DDB1: variants seen among roughly 807,000 people sequenced by gnomAD.
The protein encoded by DDB1 is DNA damage-binding protein 1.
DDB1 carries 18 observed loss-of-function variants against 133.1 expected under a neutral mutation model. The observed-to-expected ratio is 0.14, with a 90% confidence interval of 0.09 to 0.20. The LOEUF (loss-of-function observed/expected upper bound fraction) is 0.20. DDB1 is among the 10% of genes least tolerant of loss of function. DDB1 has a pLI of 1.00. For missense variants in DDB1, 828 were observed against 1,459.2 expected, an observed-to-expected ratio of 0.57 and a Z score of 7.05; for synonymous variants, 580 against 550.5, an observed-to-expected ratio of 1.05 and a Z score of -0.75.
chr11:61,319,066 C>T (rs1201328919), intron 10 of DDB1, among the ~76,000 whole-genome samples: 1 of 152,092 alleles, frequency 6.6e-6, no homozygotes, highest in East Asian at 1.9e-4. Flanking sequence ...ATTAGCCAGG[C>T]GTGGTGGCGC....
Position 61,313,364 on chromosome 11 carries a change from G to A in DDB1, c.2069+135C>T, listed in dbSNP as rs909349582. ...GTGTTTCTATTGGGTAGCCAGTTTT[G>A]AGAACCTCTGCACTATACTTCCCAT... On this transcript the variant is annotated intron_variant, in intron 16 of 26. Coordinates refer to ENST00000301764, the MANE Select transcript of DDB1 (RefSeq NM_001923.5). 1.9e-5 allele frequency: 15 copies of A among 795,336 alleles called. No homozygotes were observed. In the African/African-American group the frequency reaches 2.5e-4, roughly 13 times the overall value. The allele number at this position is 795,336 out of a possible 1,614,324, so 49.3% of individuals were successfully genotyped here. A position where few individuals can be genotyped will look rare whatever the true frequency, so the allele number is the denominator to read the frequency against.
At chr11:61,328,049 G>A (rs1364585228) in intron 4 of DDB1, among the ~76,000 whole-genome samples, 1 of 152,200 alleles carries the variant, frequency 6.6e-6, no homozygotes, top group African/African-American at 2.4e-5. Flanking sequence ...AGACACACAT[G>A]CAGAAATGAA....
At chr11:61,310,127 G>A (rs574452840) in intron 19 of DDB1, among the ~76,000 whole-genome samples, 167 bp from the exon 20 acceptor site, 1 of 152,088 alleles carries the variant, frequency 6.6e-6, no homozygotes, top group Non-Finnish European at 1.5e-5. Context: ...CTAAGGAGAG[G>A]ATGCCCAGCC....
chr11:61,314,823 CTTTTT>C (rs549452269), intron 12 of DDB1: 44 of 81,184 alleles, frequency 5.4e-4, no homozygotes, highest in Non-Finnish European at 7.7e-4. Context: ...AGTTTTTTGG[CTTTTT>C]TTTTTTTTTT....
intron 1 of DDB1, 23 bp downstream of exon 1, chr11:61,332,885 G>T: frequency 1.4e-6 from 2 of 1,468,214 alleles, no homozygotes; most frequent in Non-Finnish European, 1.8e-6. Flanking sequence ...ACTCGCCGGG[G>T]TCTCCGGCCC....
chr11:61,313,138 C>T lies in DDB1; in HGVS notation c.2069+361G>A, dbSNP rs200731875. 6.6e-5 allele frequency among the ~76,000 whole-genome samples: 10 copies of T among 152,292 alleles called. No homozygotes were observed. The East Asian group carries it at 1.9e-3, about 29-fold the overall frequency. ...AGAGAATCTGCATTTCTAACAAGTT[C>T]CCAAGTAATGCTGTAGCTGCTGGTT... is the stretch of plus-strand genomic sequence containing the variant. On this transcript the variant is annotated intron_variant, in intron 16 of 26. Transcript: ENST00000301764.
At chr11:61,303,700 CAAAAAAAAAAAA>C (rs59840297) in intron 22 of DDB1, among the ~76,000 whole-genome samples, 153 bp downstream of exon 22, 4 of 44,250 alleles carry the variant, frequency 9.0e-5, no homozygotes, top group Non-Finnish European at 1.6e-4. Flanking sequence ...GACTGCGTCT[CAAAAAAAAAAAA>C]AAAAAAAAAA....
In DDB1 at chr11:61,302,689, T is replaced by G; in HGVS notation, c.3005A>C (p.Glu1002Ala). ...GCCGTGGCAAAAGACATTGACAAAC[T>G]CGCCCAGGTGGAAAAGACCAACCTC... Reference protein sequence around the residue: ...LQEVGLFHLGEFVNVFCHGSL... With the variant: ...LQEVGLFHLGAFVNVFCHGSL... The change falls in exon 24 of 27, where the codon GAG becomes GCG. Residue 1002 changes from glutamate to alanine, a missense_variant. Coordinates refer to ENST00000301764, the MANE Select transcript of DDB1 (RefSeq NM_001923.5). The G allele has an allele frequency of 6.2e-7, 1 of 1,614,124 alleles. No homozygotes were observed. Among genetic ancestry groups the G allele is most frequent in the Non-Finnish European group, 8.5e-7 (1 of 1,180,030 alleles).
chr11:61,331,246 GCTATC>G (rs1414151895), intron 2 of DDB1, among the ~76,000 whole-genome samples: 1 of 152,062 alleles, frequency 6.6e-6, no homozygotes, highest in Non-Finnish European at 1.5e-5. Context: ...ACTGAAATTT[GCTATC>G]CAAAGAGAGA....
At chr11:61,331,447 C>CGT in intron 2 of DDB1, 96 bp downstream of exon 2, 1 of 1,480,440 alleles carries the variant, frequency 6.8e-7, no homozygotes. Context: ...GTGAGACCCC[C>CGT]GTCTCAAAGA....
At chr11:61,328,299 C>T (rs1856302519) in intron 4 of DDB1, among the ~76,000 whole-genome samples, 1 of 152,196 alleles carries the variant, frequency 6.6e-6, no homozygotes, top group African/African-American at 2.4e-5. Context: ...AAAAATATAT[C>T]AGCACCTCCA....
intron 5 of DDB1, 80 bp downstream of exon 5, chr11:61,326,699 A>G: frequency 1.8e-6 from 2 of 1,095,080 alleles, no homozygotes; most frequent in Non-Finnish European, 2.8e-6. Context: ...AACGAAGGGC[A>G]GAGAAGGTGA....
rs368309331 is a variant in DDB1 at position 61,304,038 on chromosome 11, G to T, written c.2662-3C>A. 2.3e-5 allele frequency: 37 copies of T among 1,613,708 alleles called. No homozygotes were observed. In the African/African-American group the frequency reaches 3.2e-4, roughly 14 times the overall value. On this transcript the variant is annotated splice_region_variant and splice_polypyrimidine_tract_variant and intron_variant, in intron 21 of 26. Coordinates refer to ENST00000301764, the MANE Select transcript of DDB1 (RefSeq NM_001923.5). ...GTTGTCCACTCATAGAGCCGCACCT[G>T]GGAAGGGCATTGTCTCTCTCAGCCA...
At chr11:61,303,248 G>GC (rs1393249541) in intron 22 of DDB1, 93 bp from the exon 23 acceptor site, 8 of 1,098,478 alleles carry the variant, frequency 7.3e-6, no homozygotes, top group Non-Finnish European at 1.1e-5. Flanking sequence ...CAGGAGCAAG[G>GC]CCCCACCCTG....
At chr11:61,317,263 GCCA>G (rs1422449678) in intron 10 of DDB1, among the ~76,000 whole-genome samples, 2 of 151,138 alleles carry the variant, frequency 1.3e-5, no homozygotes, top group African/African-American at 4.9e-5. Context: ...GCAGGTGCCC[GCCA>G]CCACACCTGG....
At position 61,331,486 on chromosome 11, in the gene DDB1, A is replaced by G. The variant is rs1221248311; in HGVS notation, c.210+57T>C. 2.5e-6 allele frequency: 4 copies of G among 1,581,674 alleles called. No homozygotes were observed. The African/African-American group carries it at 4.1e-5, about 16-fold the overall frequency. Reference sequence around the variant, plus strand: ...TAAATAAACAAACAAAAATAACATAAAACAACCTACGACCAACAGTTCCCC... The same window carrying G: ...TAAATAAACAAACAAAAATAACATAGAACAACCTACGACCAACAGTTCCCC... On this transcript the variant is annotated intron_variant, in intron 2 of 26. Coordinates refer to ENST00000301764, the MANE Select transcript of DDB1 (RefSeq NM_001923.5).
Position 61,329,542 on chromosome 11 carries a change from T to C in DDB1, c.370A>G (p.Ile124Val), listed in dbSNP as rs756541705. 4 of 1,613,998 alleles carry C rather than the reference T, an allele frequency of 2.5e-6. No individual in the cohort carries two copies. In the African/African-American group the frequency reaches 4.0e-5, roughly 16 times the overall value. ...RPSETGIIGI[I>V]DPECRMIGLR... ...CCAATCATCCGGCACTCAGGGTCAA[T>C]GATGCCAATAATGCCGGTCTCTGAG... The change falls in exon 4 of 27, where the codon ATT (isoleucine) becomes GTT (valine). Residue 124 changes from isoleucine to valine, a missense_variant. Ile to Val is a conservative substitution (Grantham distance 29, BLOSUM62 3). Coordinates refer to ENST00000301764, the MANE Select transcript of DDB1 (RefSeq NM_001923.5).
At chr11:61,318,233 CATT>C (rs1488449622) in intron 10 of DDB1, among the ~76,000 whole-genome samples, 1 of 152,152 alleles carries the variant, frequency 6.6e-6, no homozygotes, top group Admixed American at 6.5e-5. Context: ...AATCCCTTCT[CATT>C]ATATTTATTC....
At chr11:61,332,079 A>G in intron 1 of DDB1, 1 of 171,886 alleles carries the variant, frequency 5.8e-6, no homozygotes, top group Admixed American at 5.7e-5. Context: ...AAAGTCTCAC[A>G]AAACTTTTAT....
Sources: gnomAD v4.1 joint callset for allele counts (sites outside exome capture counted in the v4.1 genomes callset) on GRCh38, gnomAD v4.1.1 for gene constraint, MANE v1.5 for transcripts, NCBI Gene and HGNC (gene_info 2026-07-23, HGNC 2026-07-21) for gene names.